TSC2: variants seen among roughly 807,000 people sequenced by gnomAD.
TSC2 encodes the protein tuberin.
A neutral mutation model predicts 202.2 loss-of-function variants in TSC2; 29 were observed. The observed-to-expected ratio is 0.14, with a 90% CI of 0.11 to 0.20. The LOEUF is 0.20. Among genes scored for constraint, TSC2 ranks in the 10% least tolerant of loss-of-function variants. The pLI is 1.00. For synonymous variants in TSC2, 1,349 were observed against 1,044.0 expected (o/e 1.29, Z -5.63); for missense variants, 2,429 against 2,420.0 (o/e 1.00, Z -0.08).
rs1222652018 is a variant in TSC2 at position 2,088,891 on chromosome 16, AC to A, written c.*282del. 1,865 of 446,960 alleles carry A rather than the reference AC, an allele frequency of 4.2e-3. 29 individuals are homozygous for A. The highest frequency in any genetic ancestry group is 0.035 in the African/African-American group (1,550 of 44,420). 27.7% of individuals were successfully genotyped at this position (446,960 alleles called of 1,614,324 possible). On this transcript the variant is annotated 3_prime_UTR_variant, in exon 42 of 42. Coordinates refer to ENST00000219476, the MANE Select transcript of TSC2 (RefSeq NM_000548.5). ...CGCGCGTGCGCGCGCGCACACACAC[AC>A]ACACACAGTCACCTTCCTCCACCCT...
At position 2,083,782 on chromosome 16, in the gene TSC2, T is replaced by A. The variant is rs878854098; in HGVS notation, c.3971T>A (p.Leu1324Gln). 1 of 1,611,566 alleles carries A rather than the reference T, an allele frequency of 6.2e-7. No homozygotes were observed. Among genetic ancestry groups the A allele is most frequent in the African/African-American group, 1.3e-5 (1 of 75,050 alleles). ...PPGLEDVEAA[L>Q]GMDRRTDAYS... ...GGGTTGGAGGACGTTGAGGCAGCGC[T>A]AGGCATGGACAGGCGCACGGATGCC... The change falls in exon 33 of 42, where the codon CTA becomes CAA. Residue 1324 changes from leucine (L) to glutamine (Q), a missense_variant. Leu to Gln is a moderately radical substitution (Grantham distance 113). Transcript: ENST00000219476.
Position 2,062,517 on chromosome 16 carries a change from G to T in TSC2, c.1278G>T (p.Leu426=). The T allele has an allele frequency of 6.2e-7, 1 of 1,611,762 alleles. No homozygotes were observed. Among genetic ancestry groups the T allele is most frequent in the Non-Finnish European group, 8.5e-7 (1 of 1,178,938 alleles). ...GACAGGAGTCCTCCCTCCTGAACCT[G>T]ATCTCCTATAGAGCGCAGTCCATCC... is the stretch of plus-strand genomic sequence containing the variant. The part of the protein sequence containing the change: ...DQRPESSLLN[L]ISYRAQSIHP... Residue 426 remains leucine (L), a synonymous_variant, in exon 13 of 42, where the codon CTG becomes CTT. Transcript: ENST00000219476.
In TSC2 at chr16:2,089,078, T is replaced by C; in HGVS notation, c.*468T>C. 1 of 178,784 alleles carries C rather than the reference T, an allele frequency of 5.6e-6. No homozygotes were observed. Among genetic ancestry groups the C allele is most frequent in the Non-Finnish European group, 1.2e-5 (1 of 83,674 alleles). 11.1% of individuals were successfully genotyped at this position (178,784 alleles called of 1,614,324 possible). A position where few individuals can be genotyped will look rare whatever the true frequency, so the allele number is the denominator to read the frequency against. ...GAGGATGACAAGGCCTCTGGGGTGATGAGAGTGCCTGGCAGACAGCTGTGC... is the reference window on the plus strand; with the variant it reads ...GAGGATGACAAGGCCTCTGGGGTGACGAGAGTGCCTGGCAGACAGCTGTGC... On this transcript the variant is annotated 3_prime_UTR_variant, in exon 42 of 42. Coordinates refer to ENST00000219476, the MANE Select transcript of TSC2 (RefSeq NM_000548.5).
rs368022676 is a variant in TSC2, at chr16:2,087,489, G to T, written c.4990-374G>T. On this transcript the variant is annotated intron_variant, in intron 38 of 41. Transcript: ENST00000219476. Reference sequence around the variant, plus strand: ...CTAGATGCCAAGACAACCAGTTGGGGGGGGGGGGGCACCTGGGCGGCTGAG... The same window carrying T: ...CTAGATGCCAAGACAACCAGTTGGGTGGGGGGGGGCACCTGGGCGGCTGAG... Among the ~76,000 whole-genome samples the T allele has an allele frequency of 2.1e-3, 199 of 94,634 alleles. 1 individual carries two copies. The highest frequency in any genetic ancestry group is 0.011 in the African/African-American group (118 of 10,766). The allele number at this position is 94,634 out of a possible 152,430, so 62.1% of individuals were successfully genotyped here.
At position 2,079,212 on chromosome 16, in the gene TSC2, C is replaced by T. The variant is rs1298637729; in HGVS notation, c.3131+16C>T. 2.5e-6 allele frequency: 4 copies of T among 1,612,960 alleles called. No individual in the cohort carries two copies. The highest frequency in any genetic ancestry group is 3.4e-6 in the Non-Finnish European group (4 of 1,180,034). Reference sequence around the variant, plus strand: ...TCCCGAAGAGGTCCAGGCGGCACTACAGGGCTGGGCGGGCCTGCGGGAGCT... The same window carrying T: ...TCCCGAAGAGGTCCAGGCGGCACTATAGGGCTGGGCGGGCCTGCGGGAGCT... On this transcript the variant is annotated intron_variant, in intron 27 of 41. Transcript: ENST00000219476. The surrounding 1 kb of genome is among the most constrained non-coding windows in gnomAD (Gnocchi z 4.6).
chr16:2,070,188 C>G (rs553445041), intron 16 of TSC2, among the ~76,000 whole-genome samples: 1 of 152,204 alleles, frequency 6.6e-6, no homozygotes, highest in African/African-American at 2.4e-5. Context: ...CCATTCTGCC[C>G]TGTCTGCCAC....
chr16:2,077,243 G>C (rs764945137), intron 25 of TSC2, among the ~76,000 whole-genome samples: 3 of 152,208 alleles, frequency 2.0e-5, no homozygotes, highest in African/African-American at 7.2e-5. Flanking sequence ...AGAGCTGGGC[G>C]GTGCCTGCCT....
At chr16:2,070,982 TGA>T (rs767537072) in intron 17 of TSC2, among the ~76,000 whole-genome samples, 2 of 151,464 alleles carry the variant, frequency 1.3e-5, no homozygotes, top group East Asian at 3.9e-4. Flanking sequence ...AGGGCAGAGC[TGA>T]GAGGGCAGGG....
rs1310938905 is a variant in TSC2 at position 2,074,197 on chromosome 16, C to T, written c.2356-3C>T. On this transcript the variant is annotated splice_region_variant and splice_polypyrimidine_tract_variant and intron_variant, in intron 21 of 41. Transcript: ENST00000219476. ...GGGGCCTGAGGTGTCCTGTCTCCTG[C>T]AGCGCGAGATGGTCTACTGCCTGGA... The T allele has an allele frequency of 1.9e-6, 3 of 1,610,894 alleles. No homozygotes were observed. The South Asian group carries it at 3.3e-5, about 18-fold the overall frequency.
In TSC2 at chr16:2,058,629, C is replaced by G. The variant is rs1945755914; in HGVS notation, c.849-118C>G. On this transcript the variant is annotated intron_variant, in intron 9 of 41. Transcript: ENST00000219476. ...GCCCTTCCCCAGCGGTGCTCCTGCC[C>G]CCCCCAAGCACAGGGACCTCTGGGG... The G allele has an allele frequency of 4.1e-6, 6 of 1,459,232 alleles. No individual in the cohort carries two copies. In the South Asian group the frequency reaches 6.1e-5, roughly 15 times the overall value. 90.4% of individuals were successfully genotyped at this position (1,459,232 alleles called of 1,614,324 possible).
At position 2,064,264 on chromosome 16, in the gene TSC2, C is replaced by T. The variant is rs749236601; in HGVS notation, c.1444-8C>T. 3 of 1,613,910 alleles carry T rather than the reference C, an allele frequency of 1.9e-6. No homozygotes were observed. Among genetic ancestry groups the T allele is most frequent in the Non-Finnish European group, 2.5e-6 (3 of 1,180,030 alleles). Reference sequence around the variant, plus strand: ...TGGCGCTCATTGGCCTCCCTTGTGCCTGTGCAGGAGGAGCTGATTAACTCA... The same window carrying T: ...TGGCGCTCATTGGCCTCCCTTGTGCTTGTGCAGGAGGAGCTGATTAACTCA... On this transcript the variant is annotated splice_region_variant and splice_polypyrimidine_tract_variant and intron_variant, in intron 14 of 41. Coordinates refer to ENST00000219476, the MANE Select transcript of TSC2 (RefSeq NM_000548.5).
intron 12 of TSC2, 103 bp downstream of exon 12, chr16:2,062,111 G>T (rs1044895246): frequency 3.9e-6 from 6 of 1,529,792 alleles, no homozygotes; most frequent in Non-Finnish European, 4.5e-6. Context: ...CAAGGGCCAG[G>T]TGGGCGCCTG....
chr16:2,081,582 G>C lies in TSC2; in HGVS notation c.3611-13G>C. ...GTACTGGCCTCAGGCCAAAGGTGCT[G>C]CCGCCTCCGCAGGGAACACCAGCTG... On this transcript the variant is annotated splice_polypyrimidine_tract_variant and intron_variant, in intron 30 of 41. Transcript: ENST00000219476. 6.2e-7 allele frequency: 1 copy of C among 1,612,862 alleles called. No homozygotes were observed. The highest frequency in any genetic ancestry group is 8.5e-7 in the Non-Finnish European group (1 of 1,179,980).
At chr16:2,064,218 G>C in intron 14 of TSC2, 54 bp from the exon 15 acceptor site, 1 of 1,613,304 alleles carries the variant, frequency 6.2e-7, no homozygotes, top group Non-Finnish European at 8.5e-7. Flanking sequence ...GAAGTGTCAC[G>C]AGATGTGGCC....
At chr16:2,068,527 CGT>C (rs2087729069) in intron 16 of TSC2, 1 of 152,092 alleles carries the variant, frequency 6.6e-6, no homozygotes, top group African/African-American at 2.4e-5. Flanking sequence ...ATGTACAGCT[CGT>C]GTGTTTTATG....
rs781367910 is a variant in TSC2 at position 2,064,319 on chromosome 16, C to T, written c.1491C>T (p.Pro497=). 35 of 1,613,852 alleles carry T rather than the reference C, an allele frequency of 2.2e-5. No homozygotes were observed. The highest frequency in any genetic ancestry group is 4.0e-5 in the African/African-American group (3 of 75,052). ...TCATCTCGCAGCTCTCCCACATCCC[C>T]GAGGATAAAGACCACCAGGTCCGAA... The part of the protein sequence containing the change: ...SVVISQLSHI[P]EDKDHQVRKL... Residue 497 remains proline, a synonymous_variant, in exon 15 of 42, where the codon CCC becomes CCT. Transcript: ENST00000219476.
At chr16:2,080,634 C>G (rs566665629) in intron 30 of TSC2, 5 of 504,366 alleles carry the variant, frequency 9.9e-6, no homozygotes, top group Admixed American at 3.3e-5. Context: ...CAGGCGCCCG[C>G]CACCACGCCT....
chr16:2,085,686 C>T (rs370541748), intron 36 of TSC2, among the ~76,000 whole-genome samples: 7 of 152,186 alleles, frequency 4.6e-5, no homozygotes, highest in African/African-American at 1.4e-4. Context: ...CAGCGGGGGC[C>T]GGGCGCACCC....
intron 16 of TSC2, among the ~76,000 whole-genome samples, chr16:2,067,220 G>A (rs2087511560): frequency 6.6e-6 from 1 of 151,896 alleles, no homozygotes; most frequent in Admixed American, 6.6e-5. Flanking sequence ...GTGCAGTGCT[G>A]TGACCATAGC....
Sources: gnomAD v4.1 joint callset for allele counts (sites outside exome capture counted in the v4.1 genomes callset) on GRCh38, gnomAD v4.1.1 for gene constraint, Gnocchi (gnomAD v3.1) non-coding constraint, MANE v1.5 for transcripts, NCBI Gene and HGNC (gene_info 2026-07-23, HGNC 2026-07-21) for gene names.